Variants in TCF12 observed in about 807,000 individuals in gnomAD.
TCF12 encodes the protein transcription factor 12.
A neutral mutation model predicts 86.0 loss-of-function variants in TCF12; 45 were observed. The ratio of observed to expected loss-of-function variants is 0.52; its 90% CI spans 0.41 to 0.67. The LOEUF is 0.67. Among genes scored for constraint, TCF12 ranks in the 30% least tolerant of loss-of-function variants. The pLI, the probability that TCF12 is intolerant of heterozygous loss-of-function variation, is 0.00. For synonymous variants in TCF12, 330 were observed against 299.6 expected, an observed-to-expected ratio of 1.10 and a Z score of -1.05; for missense variants, 881 against 859.9, an observed-to-expected ratio of 1.02 and a Z score of -0.31.
At chr15:56,919,839 C>T in intron 1 of TCF12, 53 bp from the exon 2 acceptor site, 1 of 1,527,028 alleles carries the variant, frequency 6.5e-7, no homozygotes. Flanking sequence ...TCTGTTCCCT[C>T]ACACACTTTG....
Position 57,192,155 on chromosome 15 carries a change from T to C in TCF12, c.391-3T>C, listed in dbSNP as rs369564069. The stretch of plus-strand genomic sequence containing the variant: ...AACTTGTTTCCTTGGCCTTATTTTA[T>C]AGTCTAGTCTCCTGAGACAAGATCT... On this transcript the variant is annotated splice_region_variant and splice_polypyrimidine_tract_variant and intron_variant, in intron 6 of 20. Coordinates refer to ENST00000333725, the MANE Select transcript of TCF12 (RefSeq NM_207037.2). 6 of 1,612,972 alleles carry C rather than the reference T, an allele frequency of 3.7e-6. No individual in the cohort carries two copies. The African/African-American group carries it at 6.7e-5, about 18-fold the overall frequency.
intron 3 of TCF12, among the ~76,000 whole-genome samples, chr15:57,022,529 A>G (rs1160301857): frequency 6.6e-6 from 1 of 152,180 alleles, no homozygotes; most frequent in Non-Finnish European, 1.5e-5. Context: ...GTAAACATAC[A>G]TGTGCATGTG....
chr15:56,949,314 A>G (rs1460317868), intron 3 of TCF12, among the ~76,000 whole-genome samples: 2 of 152,332 alleles, frequency 1.3e-5, no homozygotes, highest in African/African-American at 2.4e-5. Context: ...ATGACAGTCC[A>G]CTGAATGTAA....
At chr15:56,993,262 C>T (rs561935121) in intron 3 of TCF12, among the ~76,000 whole-genome samples, 5 of 152,236 alleles carry the variant, frequency 3.3e-5, no homozygotes, top group African/African-American at 1.2e-4. Flanking sequence ...TTGTCTTCTC[C>T]ATCTCTCATG....
chr15:56,985,168 C>T (rs943883837), intron 3 of TCF12, among the ~76,000 whole-genome samples: 62 of 152,274 alleles, frequency 4.1e-4, no homozygotes, highest in African/African-American at 1.4e-3. Flanking sequence ...AGTGCTTCTA[C>T]AATGCTTTTT....
chr15:56,947,677 C>T (rs2061070762), intron 3 of TCF12, among the ~76,000 whole-genome samples: 1 of 152,118 alleles, frequency 6.6e-6, no homozygotes, highest in Non-Finnish European at 1.5e-5. Flanking sequence ...TATCTAGTCC[C>T]AATTACTGCA....
intron 8 of TCF12, among the ~76,000 whole-genome samples, chr15:57,225,496 C>T (rs1597439319): frequency 6.6e-6 from 1 of 152,056 alleles, no homozygotes; most frequent in Non-Finnish European, 1.5e-5. Context: ...CCACCCGCCT[C>T]GGCCTCCCAA....
At chr15:57,219,884 C>T (rs1160490873) in intron 8 of TCF12, among the ~76,000 whole-genome samples, 1 of 151,998 alleles carries the variant, frequency 6.6e-6, no homozygotes, top group African/African-American at 2.4e-5. Flanking sequence ...CGCCACCATG[C>T]CCAGCTAATT....
In TCF12 at chr15:57,192,237, A is replaced by G. The variant is rs2057018736; in HGVS notation, c.470A>G (p.Tyr157Cys). ...SSSGKPGTAY[Y>C]SFSATSSRRR... ...TCAGGAAAACCTGGGACAGCATACT[A>G]TTCATTCTCTGCTACAAGTTCCAGG... The change falls in exon 7 of 21, where the codon TAT becomes TGT. Residue 157 changes from tyrosine to cysteine, a missense_variant. Tyr to Cys is a radical substitution (Grantham distance 194, BLOSUM62 -2). Around this residue, in one of 3 missense-constraint regions of TCF12, gnomAD observed 766 missense variants for 718.9 expected, o/e 1.07. Transcript: ENST00000333725. 2 of 1,614,042 alleles carry G rather than the reference A, an allele frequency of 1.2e-6. No individual in the cohort carries two copies. The highest frequency in any genetic ancestry group is 1.7e-5 in the Admixed American group (1 of 59,992).
chr15:57,166,096 A>AT (rs1314769880), intron 5 of TCF12, among the ~76,000 whole-genome samples: 151 of 151,966 alleles, frequency 9.9e-4, no homozygotes, highest in African/African-American at 3.5e-3. Context: ...CTAATTTTTT[A>AT]TTTTTTGTAG....
intron 3 of TCF12, among the ~76,000 whole-genome samples, chr15:56,989,312 A>G (rs897444231): frequency 2.0e-5 from 3 of 152,206 alleles, no homozygotes; most frequent in Non-Finnish European, 4.4e-5. Context: ...TTGACCTGCA[A>G]AGCCTAAGAT....
chr15:56,986,319 C>A (rs1468073953), intron 3 of TCF12, among the ~76,000 whole-genome samples: 8 of 152,026 alleles, frequency 5.3e-5, no homozygotes, highest in Non-Finnish European at 1.0e-4. Context: ...AATATGGTGA[C>A]AAAACCAGAG....
At chr15:57,177,177 A>G (rs1458143582) in intron 6 of TCF12, among the ~76,000 whole-genome samples, 1 of 151,806 alleles carries the variant, frequency 6.6e-6, no homozygotes, top group Admixed American at 6.6e-5. Context: ...CTGCAGAGTG[A>G]TGTGCATTTT....
intron 19 of TCF12, among the ~76,000 whole-genome samples, chr15:57,277,729 G>A (rs1263909360): frequency 1.3e-5 from 2 of 151,772 alleles, no homozygotes; most frequent in Non-Finnish European, 2.9e-5. Context: ...TTGAGCCCAG[G>A]AGATGACTTG....
chr15:56,972,047 T>C lies in TCF12; in HGVS notation c.148+50949T>C, dbSNP rs867041632. On this transcript the variant is annotated intron_variant, in intron 3 of 20. Transcript: ENST00000333725. ...TACTAAAAACCATTGAATTGTGTAT[T>C]TTAAATAGGTGAATTATAGGGTATA... Among the ~76,000 whole-genome samples the C allele has an allele frequency of 2.6e-5, 4 of 152,200 alleles. No homozygotes were observed. The South Asian group carries it at 6.2e-4, about 24-fold the overall frequency.
chr15:57,252,919 A>G (rs2060183609), intron 15 of TCF12, among the ~76,000 whole-genome samples: 1 of 140,026 alleles, frequency 7.1e-6, no homozygotes, highest in South Asian at 2.3e-4. Flanking sequence ...ATTAAAGTAT[A>G]GGTTGTACTT....
intron 8 of TCF12, among the ~76,000 whole-genome samples, chr15:57,222,295 TG>T (rs1676385997): frequency 1.3e-5 from 2 of 151,506 alleles, no homozygotes; most frequent in Non-Finnish European, 3.0e-5. Context: ...TTAATAAAAC[TG>T]AACAAACTCT....
At chr15:57,039,771 A>G (rs1473585542) in intron 3 of TCF12, among the ~76,000 whole-genome samples, 11 of 152,040 alleles carry the variant, frequency 7.2e-5, no homozygotes, top group African/African-American at 2.2e-4. Flanking sequence ...TTATTTGTAC[A>G]GTTTTGGGTT....
Position 57,192,262 on chromosome 15 carries a change from G to C in TCF12, c.495G>C (p.Arg165Ser). ...ATTCATTCTCTGCTACAAGTTCCAG[G>C]AGGAGACCACTCCATGACTCTGCAG... ...AYYSFSATSSRRRPLHDSAAL... is the reference protein window; with the variant it reads ...AYYSFSATSSSRRPLHDSAAL... Residue 165 changes from arginine to serine, a missense_variant, in exon 7 of 21, where the codon AGG becomes AGC. Arg to Ser is a moderately radical substitution (Grantham distance 110). Transcript: ENST00000333725. 1 of 1,614,068 alleles carries C rather than the reference G, an allele frequency of 6.2e-7. No homozygotes were observed. The highest frequency in any genetic ancestry group is 1.1e-5 in the South Asian group (1 of 91,082).
Sources: gnomAD v4.1 joint callset for allele counts (sites outside exome capture counted in the v4.1 genomes callset) on GRCh38, gnomAD v4.1.1 for gene constraint, gnomAD v4.1.1 regional missense constraint, MANE v1.5 for transcripts, NCBI Gene and HGNC (gene_info 2026-07-23, HGNC 2026-07-21) for gene names.